The following COL4A1 variants were observed in gnomAD, a reference collection of about 807,000 sequenced individuals.
The protein encoded by COL4A1 is collagen type IV alpha 1 chain.
COL4A1 carries 40 observed loss-of-function variants against 216.6 expected under a neutral mutation model. That is an observed-to-expected ratio of 0.18 (90% CI 0.14 to 0.24). The LOEUF is 0.24. Among genes scored for constraint, COL4A1 ranks in the 10% least tolerant of loss-of-function variants. COL4A1 has a pLI of 1.00. For missense variants in COL4A1, 1,628 were observed against 2,196.8 expected, an observed-to-expected ratio of 0.74 and a Z score of 5.18; for synonymous variants, 839 against 810.7, an observed-to-expected ratio of 1.03 and a Z score of -0.59.
At chr13:110,181,455 C>T in intron 28 of COL4A1, 66 bp from the exon 29 acceptor site, 1 of 1,425,760 alleles carries the variant, frequency 7.0e-7, no homozygotes, top group Non-Finnish European at 9.7e-7. Context: ...CCGTTCCCCA[C>T]TTTCTTCACT....
chr13:110,166,209 C>T (rs1877327212), intron 45 of COL4A1, 23 bp downstream of exon 45: 2 of 1,455,558 alleles, frequency 1.4e-6, no homozygotes, highest in South Asian at 2.3e-5. Flanking sequence ...GTAAGGTGTC[C>T]ACAGATCAAC....
In COL4A1 at chr13:110,291,184, G is replaced by A. The variant is rs535840234; in HGVS notation, c.84+15760C>T. 3.9e-5 allele frequency among the ~76,000 whole-genome samples: 6 copies of A among 152,308 alleles called. No homozygotes were observed. In the South Asian group the frequency reaches 6.2e-4, roughly 16 times the overall value. On this transcript the variant is annotated intron_variant, in intron 1 of 51. Transcript: ENST00000375820. ...ACCTGGTGTCTAGAAAAAGTACACC[G>A]ATGCCAAGTAGCCTGGCATCACATT... is the stretch of plus-strand genomic sequence containing the variant.
intron 21 of COL4A1, among the ~76,000 whole-genome samples, chr13:110,197,006 T>C (rs1191128884): frequency 6.6e-6 from 1 of 152,226 alleles, no homozygotes; most frequent in Non-Finnish European, 1.5e-5. Context: ...ATAGTAAATA[T>C]TACAATGTGC....
In COL4A1 at chr13:110,149,562, G is replaced by A. The variant is rs1876405794; in HGVS notation, c.*801C>T. ...TGGTTTAGAAGTGAACAATGAAAACGGATGTTTCACATTCAATATCCTAGT... is the reference window on the plus strand; with the variant it reads ...TGGTTTAGAAGTGAACAATGAAAACAGATGTTTCACATTCAATATCCTAGT... On this transcript the variant is annotated 3_prime_UTR_variant, in exon 52 of 52. Transcript: ENST00000375820. The A allele has an allele frequency of 6.6e-6, 1 of 152,538 alleles. No individual in the cohort carries two copies. 9.4% of individuals were successfully genotyped at this position (152,538 alleles called of 1,614,324 possible).
At chr13:110,234,155 T>C (rs1174493309) in intron 2 of COL4A1, among the ~76,000 whole-genome samples, 1 of 152,212 alleles carries the variant, frequency 6.6e-6, no homozygotes, top group African/African-American at 2.4e-5. Flanking sequence ...CTCTGGGGAA[T>C]TTCCAGGTCA....
intron 2 of COL4A1, among the ~76,000 whole-genome samples, chr13:110,219,855 T>C (rs1188676884): frequency 1.1e-5 from 1 of 95,148 alleles, no homozygotes; most frequent in African/African-American, 4.2e-5. Flanking sequence ...TGTATATATA[T>C]GTATATATGT....
At chr13:110,209,262 G>C in intron 11 of COL4A1, 130 bp downstream of exon 11, 2 of 726,002 alleles carry the variant, frequency 2.8e-6, no homozygotes, top group African/African-American at 3.7e-5. Flanking sequence ...ATACTTAAAG[G>C]TATAGTTAGA....
chr13:110,163,435 T>C (rs551567717), intron 47 of COL4A1, 28 bp downstream of exon 47: 1 of 1,601,464 alleles, frequency 6.2e-7, no homozygotes, highest in African/African-American at 1.3e-5. Flanking sequence ...TGGTCAAGGG[T>C]AATTACGTTG....
intron 1 of COL4A1, among the ~76,000 whole-genome samples, chr13:110,281,848 G>A (rs914862684): frequency 6.6e-6 from 1 of 152,138 alleles, no homozygotes; most frequent in African/African-American, 2.4e-5. Flanking sequence ...TCAGAGAGTC[G>A]GCACACAGTT....
At position 110,164,891 on chromosome 13, in the gene COL4A1, T is replaced by C. The variant is rs764685688; in HGVS notation, c.4121A>G (p.Gln1374Arg). The change falls in exon 46 of 52, where the codon CAG (glutamine) becomes CGG (arginine). Residue 1374 changes from glutamine to arginine, a missense_variant. This residue lies in a region of COL4A1 where 345 missense variants were observed against 476.9 expected (regional missense o/e 0.72). Transcript: ENST00000375820. ...PEGPPGLKGL[Q>R]GLPGPKGQQG... ...CTGGCCTTTCGGGCCTGGCAGTCCC[T>C]GAAGCCCTTTCAGCCCTGGGGGGCC... 1 of 1,611,014 alleles carries C rather than the reference T, an allele frequency of 6.2e-7. No homozygotes were observed. The highest frequency in any genetic ancestry group is 2.2e-5 in the East Asian group (1 of 44,758).
In COL4A1 at chr13:110,268,946, G is replaced by T. The variant is rs1305875207; in HGVS notation, c.85-26212C>A. The stretch of plus-strand genomic sequence containing the variant: ...CCAGAGCCCAGCAGAGGAGGCCAAC[G>T]TGCAAAAGCCGAACCTCCGCGCACC... On this transcript the variant is annotated intron_variant, in intron 1 of 51. Coordinates refer to ENST00000375820, the MANE Select transcript of COL4A1 (RefSeq NM_001845.6). The surrounding 1 kb of genome is among the most constrained non-coding windows in gnomAD (Gnocchi z 4.1). 2.0e-5 allele frequency among the ~76,000 whole-genome samples: 3 copies of T among 152,114 alleles called. No individual in the cohort carries two copies. Among genetic ancestry groups the T allele is most frequent in the African/African-American group, 4.8e-5 (2 of 41,404 alleles).
At position 110,261,035 on chromosome 13, in the gene COL4A1, T is replaced by TAA. The variant is rs1303970828; in HGVS notation, c.85-18302_85-18301insTT. On this transcript the variant is annotated intron_variant, in intron 1 of 51. Transcript: ENST00000375820. ...CTGGGTGACAGAGCGAGACTCCGTC[T>TAA]CAAAAAAAAAAAAAAAAAAGGCCAA... Among the ~76,000 whole-genome samples the TAA allele has an allele frequency of 2.6e-4, 11 of 42,162 alleles. No individual in the cohort carries two copies. In the South Asian group the frequency reaches 2.8e-3, roughly 11 times the overall value. The allele number at this position is 42,162 out of a possible 152,430, so 27.7% of individuals were successfully genotyped here.
At chr13:110,170,785 A>G in intron 41 of COL4A1, 53 bp from the exon 42 acceptor site, 1 of 1,592,294 alleles carries the variant, frequency 6.3e-7, no homozygotes, top group Non-Finnish European at 8.6e-7. Flanking sequence ...CAGAACAGTA[A>G]TCTCCAGCGT....
intron 1 of COL4A1, among the ~76,000 whole-genome samples, chr13:110,259,360 C>T (rs2139274972): frequency 6.6e-6 from 1 of 152,204 alleles, no homozygotes. Flanking sequence ...AAACTTTGTG[C>T]AAATCTGAAA....
At chr13:110,223,327 A>G (rs984041991) in intron 2 of COL4A1, among the ~76,000 whole-genome samples, 2 of 152,184 alleles carry the variant, frequency 1.3e-5, no homozygotes, top group African/African-American at 4.8e-5. Flanking sequence ...AGTTTATAGA[A>G]AACTTATGCA....
intron 51 of COL4A1, among the ~76,000 whole-genome samples, chr13:110,151,846 A>G (rs1157244870): frequency 6.6e-6 from 1 of 152,186 alleles, no homozygotes; most frequent in Admixed American, 6.5e-5. Flanking sequence ...AAAGGAAGGA[A>G]GGGTCTTCCC....
At chr13:110,291,772 A>G (rs1027822498) in intron 1 of COL4A1, among the ~76,000 whole-genome samples, 4 of 152,208 alleles carry the variant, frequency 2.6e-5, no homozygotes, top group African/African-American at 9.6e-5. Context: ...GGGTTCCTAG[A>G]GGGATCATAA....
intron 2 of COL4A1, among the ~76,000 whole-genome samples, chr13:110,221,205 G>A (rs1880462354): frequency 6.6e-6 from 1 of 152,154 alleles, no homozygotes; most frequent in African/African-American, 2.4e-5. Flanking sequence ...GTAATCCAAA[G>A]CTAGAAGGCG....
At chr13:110,295,757 T>C (rs914594762) in intron 1 of COL4A1, among the ~76,000 whole-genome samples, 2 of 152,216 alleles carry the variant, frequency 1.3e-5, no homozygotes, top group South Asian at 4.1e-4. Flanking sequence ...CCTCAACCTA[T>C]GCTGAATTCT....
Sources: allele counts gnomAD v4.1 joint callset (sites outside exome capture counted in the v4.1 genomes callset), GRCh38; gene constraint gnomAD v4.1.1; regional missense constraint gnomAD v4.1.1; non-coding constraint Gnocchi (gnomAD v3.1); transcripts MANE v1.5; gene names NCBI Gene and HGNC (gene_info 2026-07-23, HGNC 2026-07-21).